Variants in IGF2BP3 observed in about 807,000 individuals in gnomAD.
The protein encoded by IGF2BP3 is insulin-like growth factor 2 mRNA-binding protein 3.
A neutral mutation model predicts 73.8 loss-of-function variants in IGF2BP3; 9 were observed. That is an observed-to-expected ratio of 0.12 (90% CI 0.07 to 0.21). The LOEUF is 0.21. IGF2BP3 is among the 10% of genes least tolerant of loss of function. The pLI, the probability that IGF2BP3 is intolerant of heterozygous loss-of-function variation, is 1.00. For synonymous variants in IGF2BP3, 258 were observed against 256.7 expected (o/e 1.01, Z -0.05); for missense variants, 542 against 714.0 (o/e 0.76, Z 2.75).
At chr7:23,460,194 A>G (rs931388306) in intron 2 of IGF2BP3, among the ~76,000 whole-genome samples, 8 of 149,240 alleles carry the variant, frequency 5.4e-5, no homozygotes, top group African/African-American at 2.0e-4. Context: ...AAAAAAAAAA[A>G]AACAAAAACG....
rs530525084 is a variant in IGF2BP3 at position 23,314,779 on chromosome 7, G to C, written c.1396-1126C>G. Among the ~76,000 whole-genome samples, 4 of 152,266 alleles carry C rather than the reference G, an allele frequency of 2.6e-5. 1 individual carries two copies. The highest frequency in any genetic ancestry group is 7.2e-5 in the African/African-American group (3 of 41,562). On this transcript the variant is annotated intron_variant, in intron 12 of 14. Transcript: ENST00000258729. ...GTTTTTCCTTTGAATATTTTAAAGA[G>C]GCTACAACATCAAGGTAAGACACTT...
At chr7:23,442,992 C>T (rs1456073613) in intron 2 of IGF2BP3, among the ~76,000 whole-genome samples, 3 of 151,094 alleles carry the variant, frequency 2.0e-5, no homozygotes, top group East Asian at 1.9e-4. Flanking sequence ...TTAAATTATA[C>T]TGTTATTAAA....
intron 3 of IGF2BP3, among the ~76,000 whole-genome samples, chr7:23,390,880 C>T (rs1786251598): frequency 1.3e-5 from 2 of 149,774 alleles, no homozygotes; most frequent in Non-Finnish European, 3.0e-5. Flanking sequence ...CTCAGTGCAA[C>T]GTCCGCCTCC....
intron 10 of IGF2BP3, among the ~76,000 whole-genome samples, chr7:23,324,442 C>A (rs1170844638): frequency 7.0e-6 from 1 of 142,692 alleles, no homozygotes; most frequent in Non-Finnish European, 1.5e-5. Flanking sequence ...GCTTACCAAC[C>A]AAAAAGAGTC....
intron 3 of IGF2BP3, among the ~76,000 whole-genome samples, chr7:23,395,909 G>C (rs1786442506): frequency 6.6e-6 from 1 of 151,986 alleles, no homozygotes; most frequent in Non-Finnish European, 1.5e-5. Context: ...CTGGGCAACA[G>C]AGCGAGACTC....
At position 23,347,752 on chromosome 7, in the gene IGF2BP3, C is replaced by G; in HGVS notation, c.684-18G>C. ...CATCGATTCTGATAGTGGGCGCAAG[C>G]AGAGAGGAAAACGAGAGCAGTAAGC... On this transcript the variant is annotated intron_variant, in intron 6 of 14. Coordinates refer to ENST00000258729, the MANE Select transcript of IGF2BP3 (RefSeq NM_006547.3). 6.2e-7 allele frequency: 1 copy of G among 1,613,802 alleles called. No individual in the cohort carries two copies. The highest frequency in any genetic ancestry group is 1.3e-5 in the African/African-American group (1 of 74,996).
chr7:23,379,413 T>C (rs1202092082), intron 3 of IGF2BP3, among the ~76,000 whole-genome samples: 1 of 152,200 alleles, frequency 6.6e-6, no homozygotes, highest in Non-Finnish European at 1.5e-5. Context: ...ATCCTACCCC[T>C]CAGATGTGAT....
At chr7:23,451,032 G>GA (rs763072049) in intron 2 of IGF2BP3, among the ~76,000 whole-genome samples, 2 of 152,126 alleles carry the variant, frequency 1.3e-5, no homozygotes, top group Admixed American at 6.6e-5. Flanking sequence ...AACAATACAT[G>GA]ACGACAAACT....
intron 3 of IGF2BP3, among the ~76,000 whole-genome samples, chr7:23,408,922 G>A (rs867190210): frequency 8.5e-5 from 13 of 152,136 alleles, no homozygotes; most frequent in African/African-American, 2.2e-4. Flanking sequence ...AACTATTTTC[G>A]CACCAGGGAC....
intron 2 of IGF2BP3, among the ~76,000 whole-genome samples, chr7:23,438,158 T>C (rs1047304963): frequency 2.0e-5 from 3 of 152,238 alleles, no homozygotes; most frequent in African/African-American, 7.2e-5. Flanking sequence ...CTCACTCTGT[T>C]GCCCAGGCTG....
At chr7:23,386,682 TCTC>T (rs1480043893) in intron 3 of IGF2BP3, among the ~76,000 whole-genome samples, 2 of 152,138 alleles carry the variant, frequency 1.3e-5, no homozygotes, top group African/African-American at 4.8e-5. Flanking sequence ...AGAGCGTAAT[TCTC>T]CACTACTTAA....
rs112694198 is a variant in IGF2BP3 at position 23,364,305 on chromosome 7, C to T, written c.286-2564G>A. Among the ~76,000 whole-genome samples, 515 of 151,606 alleles carry T rather than the reference C, an allele frequency of 3.4e-3. 2 individuals are homozygous for T. Among genetic ancestry groups the T allele is most frequent in the Non-Finnish European group, 5.7e-3 (390 of 67,912 alleles). On this transcript the variant is annotated intron_variant, in intron 3 of 14. Transcript: ENST00000258729. The stretch of plus-strand genomic sequence containing the variant: ...AGGAGAACTGCTTGAACCCAGGAGG[C>T]GGAGGTTGCAGTGGGCTGAGATCGT...
intron 2 of IGF2BP3, among the ~76,000 whole-genome samples, chr7:23,424,324 C>T (rs781607028): frequency 6.6e-6 from 1 of 151,632 alleles, no homozygotes; most frequent in Non-Finnish European, 1.5e-5. Context: ...ATGGTGAAAC[C>T]CCGTCTCTAC....
At chr7:23,336,617 GGTT>G (rs1323228275) in intron 10 of IGF2BP3, among the ~76,000 whole-genome samples, 1 of 151,930 alleles carries the variant, frequency 6.6e-6, no homozygotes, top group Non-Finnish European at 1.5e-5. Context: ...CGCAACGCCT[GGTT>G]GTTATCATTG....
chr7:23,420,564 C>A (rs1787317022), intron 2 of IGF2BP3, among the ~76,000 whole-genome samples: 1 of 152,086 alleles, frequency 6.6e-6, no homozygotes, highest in Non-Finnish European at 1.5e-5. Context: ...GTCAAATAAT[C>A]CACAATTTTG....
intron 10 of IGF2BP3, among the ~76,000 whole-genome samples, chr7:23,338,139 CATG>C (rs1304266883): frequency 2.0e-5 from 3 of 152,004 alleles, no homozygotes; most frequent in Admixed American, 1.3e-4. Context: ...AGGTTTTTGG[CATG>C]ATATTTCCTA....
intron 3 of IGF2BP3, among the ~76,000 whole-genome samples, chr7:23,399,736 TCTC>T (rs1786598990): frequency 6.6e-6 from 1 of 152,076 alleles, no homozygotes. Context: ...ATAATACACC[TCTC>T]CTCCACCTAA....
Position 23,311,121 on chromosome 7 carries a change from T to G in IGF2BP3, c.*1241A>C, listed in dbSNP as rs1461652406. The G allele has an allele frequency of 6.6e-6, 1 of 152,204 alleles. No individual in the cohort carries two copies. Among genetic ancestry groups the G allele is most frequent in the Non-Finnish European group, 1.5e-5 (1 of 68,040 alleles). 9.4% of individuals were successfully genotyped at this position (152,204 alleles called of 1,614,324 possible). ...TACTTAAGGTGGAGTCTAATTTTTT[T>G]TTTTTAATTTATCAGTGCTTAAAAA... On this transcript the variant is annotated 3_prime_UTR_variant, in exon 15 of 15. Transcript: ENST00000258729.
chr7:23,424,113 A>G (rs552623798), intron 2 of IGF2BP3, among the ~76,000 whole-genome samples: 3 of 152,094 alleles, frequency 2.0e-5, no homozygotes, highest in Non-Finnish European at 4.4e-5. Context: ...GTGAGACTCC[A>G]TCTCAAACAA....
Sources: allele counts gnomAD v4.1 joint callset (sites outside exome capture counted in the v4.1 genomes callset), GRCh38; gene constraint gnomAD v4.1.1; transcripts MANE v1.5; gene names NCBI Gene and HGNC (gene_info 2026-07-23, HGNC 2026-07-21).